RALYL: variants seen among roughly 807,000 people sequenced by gnomAD.
RALYL encodes the protein RALY RNA binding protein like, also known as RNA-binding Raly-like protein.
In RALYL, 29 loss-of-function variants were observed where a neutral mutation model predicts 35.1. The observed-to-expected ratio is 0.83, with a 90% CI of 0.61 to 1.13. The LOEUF (loss-of-function observed/expected upper bound fraction) is 1.13, where lower values mean the gene tolerates loss of function less well. Ranked by LOEUF, RALYL falls within the 50% of genes most tolerant of loss-of-function variation. The probability of loss-of-function intolerance (pLI) is 0.00; values close to 1 mark genes in which losing one functional copy is unlikely to be tolerated. For missense variants in RALYL, 359 were observed against 360.4 expected (o/e 1.00, Z 0.03); for synonymous variants, 120 against 127.6 (o/e 0.94, Z 0.40).
At chr8:84,344,642 T>A (rs1849476079) in intron 1 of RALYL, among the ~76,000 whole-genome samples, 1 of 152,096 alleles carries the variant, frequency 6.6e-6, no homozygotes, top group African/African-American at 2.4e-5. Context: ...ATATCTATCA[T>A]CTTAAATATT....
chr8:84,445,785 A>T (rs1004072183), intron 1 of RALYL, among the ~76,000 whole-genome samples: 1 of 151,480 alleles, frequency 6.6e-6, no homozygotes, highest in Non-Finnish European at 1.5e-5. Flanking sequence ...CAATGATTCT[A>T]TATTTCTTTT....
chr8:84,693,153 A>G (rs1838409266), intron 2 of RALYL, among the ~76,000 whole-genome samples: 1 of 152,030 alleles, frequency 6.6e-6, no homozygotes, highest in African/African-American at 2.4e-5. Flanking sequence ...TTTGTAGAGC[A>G]ACTAATATAT....
intron 2 of RALYL, among the ~76,000 whole-genome samples, chr8:84,689,051 C>T (rs924330950): frequency 2.0e-5 from 3 of 151,664 alleles, no homozygotes; most frequent in Non-Finnish European, 4.4e-5. Flanking sequence ...GACTCATACA[C>T]ATTGGAATGA....
intron 1 of RALYL, among the ~76,000 whole-genome samples, chr8:84,189,136 A>T (rs1813245444): frequency 6.6e-6 from 1 of 152,186 alleles, no homozygotes; most frequent in African/African-American, 2.4e-5. Flanking sequence ...TGACCATGTA[A>T]AAATCTAAAT....
At chr8:84,433,586 G>A (rs2047370537) in intron 1 of RALYL, among the ~76,000 whole-genome samples, 1 of 151,986 alleles carries the variant, frequency 6.6e-6, no homozygotes, top group South Asian at 2.1e-4. Flanking sequence ...ATGGTGAATA[G>A]GTCTCACGAG....
At chr8:84,212,050 C>T (rs1244606100) in intron 1 of RALYL, among the ~76,000 whole-genome samples, 1 of 152,020 alleles carries the variant, frequency 6.6e-6, no homozygotes, top group East Asian at 1.9e-4. Flanking sequence ...AGTTTTAGTT[C>T]AAATTTTGTG....
chr8:84,292,904 T>C (rs1486514981), intron 1 of RALYL, among the ~76,000 whole-genome samples: 1 of 152,158 alleles, frequency 6.6e-6, no homozygotes, highest in Non-Finnish European at 1.5e-5. Context: ...ACTGCGTACT[T>C]GCCCTGAATT....
rs144959922 is a variant in RALYL at position 84,343,051 on chromosome 8, C to T, written c.-24+158627C>T. On this transcript the variant is annotated intron_variant, in intron 1 of 8. Transcript: ENST00000521268. The stretch of plus-strand genomic sequence containing the variant: ...GTCACTCTTCATTCAAAGTGGATCA[C>T]AGCATTAACAGCTGTGATTCTTGCT... Among the ~76,000 whole-genome samples the T allele has an allele frequency of 7.7e-3, 1,165 of 152,152 alleles. 20 individuals carry two copies. The highest frequency in any genetic ancestry group is 0.027 in the African/African-American group (1,120 of 41,528).
chr8:84,400,787 A>G (rs2042813422), intron 1 of RALYL, among the ~76,000 whole-genome samples: 1 of 152,208 alleles, frequency 6.6e-6, no homozygotes, highest in Admixed American at 6.5e-5. Context: ...CCATTAGTTT[A>G]TTTGGATCAT....
At chr8:84,443,383 A>G (rs574821897) in intron 1 of RALYL, among the ~76,000 whole-genome samples, 32 of 152,266 alleles carry the variant, frequency 2.1e-4, no homozygotes, top group Non-Finnish European at 3.1e-4. Flanking sequence ...AGCACATTGC[A>G]GAGATTTTTA....
At chr8:84,722,617 T>A (rs7838601) in intron 2 of RALYL, among the ~76,000 whole-genome samples, 1,765 of 96,826 alleles carry the variant, frequency 0.018, 47 homozygotes, top group African/African-American at 0.028. Context: ...TAGAGTGATT[T>A]TATATATATA....
intron 2 of RALYL, among the ~76,000 whole-genome samples, chr8:84,723,401 T>C (rs1844360972): frequency 6.6e-6 from 1 of 152,038 alleles, no homozygotes; most frequent in Non-Finnish European, 1.5e-5. Flanking sequence ...GCATCACACT[T>C]AATCATAGTG....
At chr8:84,876,915 G>A (rs1563793266) in intron 7 of RALYL, among the ~76,000 whole-genome samples, 1 of 152,120 alleles carries the variant, frequency 6.6e-6, no homozygotes, top group African/African-American at 2.4e-5. Context: ...CTCAAAATAT[G>A]AGCTCTTTTG....
chr8:84,801,589 T>A (rs913302032), intron 3 of RALYL, among the ~76,000 whole-genome samples: 1 of 152,144 alleles, frequency 6.6e-6, no homozygotes, highest in Non-Finnish European at 1.5e-5. Flanking sequence ...AGGAGTTAGA[T>A]TGAGATAAAT....
intron 3 of RALYL, among the ~76,000 whole-genome samples, chr8:84,804,069 T>C (rs968812047): frequency 6.6e-6 from 1 of 152,144 alleles, no homozygotes; most frequent in Middle Eastern, 3.2e-3. Flanking sequence ...GTAAAAAAAA[T>C]GGAAAGTTAA....
At chr8:84,839,368 T>C (rs1277067420) in intron 4 of RALYL, among the ~76,000 whole-genome samples, 1 of 152,216 alleles carries the variant, frequency 6.6e-6, no homozygotes, top group Non-Finnish European at 1.5e-5. Context: ...GCCTCGCTCA[T>C]TGCTAGCACA....
intron 1 of RALYL, among the ~76,000 whole-genome samples, chr8:84,365,966 G>C (rs1360878247): frequency 6.6e-6 from 1 of 152,190 alleles, no homozygotes; most frequent in African/African-American, 2.4e-5. Context: ...GCCACTCATA[G>C]ATGCTTCACT....
chr8:84,240,820 T>A (rs190779992), intron 1 of RALYL, among the ~76,000 whole-genome samples: 1 of 152,150 alleles, frequency 6.6e-6, no homozygotes, highest in South Asian at 2.1e-4. Context: ...AGTAACAGCA[T>A]TGAGTGTTGA....
intron 1 of RALYL, among the ~76,000 whole-genome samples, chr8:84,187,894 G>A (rs1409373910): frequency 1.3e-5 from 2 of 151,984 alleles, no homozygotes; most frequent in Non-Finnish European, 2.9e-5. Flanking sequence ...TTTACTGATA[G>A]TGTAAGCAAC....
Sources: gnomAD v4.1 joint callset for allele counts (sites outside exome capture counted in the v4.1 genomes callset) on GRCh38, gnomAD v4.1.1 for gene constraint, MANE v1.5 for transcripts, NCBI Gene and HGNC (gene_info 2026-07-23, HGNC 2026-07-21) for gene names.